PDE10A: variants seen among roughly 807,000 people sequenced by gnomAD.
The protein encoded by PDE10A is phosphodiesterase 10A.
PDE10A carries 39 observed loss-of-function variants against 97.7 expected under a neutral mutation model. That is an observed-to-expected ratio of 0.40 (90% CI 0.31 to 0.52). The LOEUF is 0.52. Ranked by LOEUF, PDE10A falls within the 20% of genes least tolerant of loss-of-function variation. The pLI, the probability that PDE10A is intolerant of heterozygous loss-of-function variation, is 0.56. For synonymous variants in PDE10A, 371 were observed against 376.8 expected, an observed-to-expected ratio of 0.98 and a Z score of 0.18; for missense variants, 731 against 1,047.8, an observed-to-expected ratio of 0.70 and a Z score of 4.17.
intron 1 of PDE10A, among the ~76,000 whole-genome samples, chr6:165,964,852 G>A (rs974312677): frequency 6.6e-6 from 1 of 152,182 alleles, no homozygotes; most frequent in African/African-American, 2.4e-5. Context: ...GAGACCCTGC[G>A]TGAGAAAATC....
At chr6:165,797,646 GGCAA>G (rs1381150980) in intron 1 of PDE10A, among the ~76,000 whole-genome samples, 4 of 152,056 alleles carry the variant, frequency 2.6e-5, no homozygotes, top group African/African-American at 9.7e-5. Flanking sequence ...TCTTTTTGAT[GGCAA>G]GCAAATTTTT....
At chr6:165,393,378 C>T (rs1785875001) in intron 15 of PDE10A, among the ~76,000 whole-genome samples, 1 of 151,264 alleles carries the variant, frequency 6.6e-6, no homozygotes, top group East Asian at 1.9e-4. Flanking sequence ...TATTTTATTA[C>T]ATATAGTTAT....
At chr6:165,436,240 T>C (rs1432391947) in intron 5 of PDE10A, among the ~76,000 whole-genome samples, 1 of 152,190 alleles carries the variant, frequency 6.6e-6, no homozygotes, top group African/African-American at 2.4e-5. Context: ...GAAGACTACT[T>C]GAAGCAATAA....
chr6:165,800,933 G>T (rs2128465462), intron 1 of PDE10A, among the ~76,000 whole-genome samples: 1 of 152,306 alleles, frequency 6.6e-6, no homozygotes, highest in East Asian at 1.9e-4. Context: ...TCTCGAAACA[G>T]AGCTTGGACT....
chr6:165,608,585 T>C (rs1257721615), intron 1 of PDE10A, among the ~76,000 whole-genome samples: 1 of 152,124 alleles, frequency 6.6e-6, no homozygotes, highest in Non-Finnish European at 1.5e-5. Flanking sequence ...TGTGATTGTG[T>C]CTTTATAGCA....
chr6:165,957,050 GA>G (rs1367863103), intron 1 of PDE10A, among the ~76,000 whole-genome samples: 1 of 152,152 alleles, frequency 6.6e-6, no homozygotes, highest in African/African-American at 2.4e-5. Context: ...TGCAAAGCCA[GA>G]AAAATGACCT....
chr6:165,482,668 C>G (rs1345369677), intron 2 of PDE10A, among the ~76,000 whole-genome samples: 2 of 152,136 alleles, frequency 1.3e-5, no homozygotes, highest in African/African-American at 4.8e-5. Flanking sequence ...GTTTATAACA[C>G]TTCAATATTC....
intron 4 of PDE10A, 144 bp downstream of exon 4, chr6:165,450,098 T>A: frequency 1.7e-6 from 1 of 592,632 alleles, no homozygotes; most frequent in South Asian, 2.9e-5. Flanking sequence ...AGTTTCATAA[T>A]AAAATATTTT....
intron 2 of PDE10A, among the ~76,000 whole-genome samples, chr6:165,519,687 C>T (rs1782020036): frequency 6.6e-6 from 1 of 152,124 alleles, no homozygotes; most frequent in East Asian, 1.9e-4. Flanking sequence ...ACAAACTCAC[C>T]CCCTAGCTTT....
intron 1 of PDE10A, among the ~76,000 whole-genome samples, chr6:165,746,950 T>C (rs750736873): frequency 1.5e-4 from 23 of 152,210 alleles, no homozygotes; most frequent in Non-Finnish European, 3.2e-4. Flanking sequence ...CTTTCAAAAG[T>C]GCTTCTTAAA....
chr6:165,425,686 G>C (rs2128235179), intron 10 of PDE10A, among the ~76,000 whole-genome samples: 1 of 151,692 alleles, frequency 6.6e-6, no homozygotes, highest in African/African-American at 2.4e-5. Context: ...TTCTAGCCAG[G>C]GTAATCATGC....
At chr6:165,452,428 A>G (rs1016575846) in intron 3 of PDE10A, among the ~76,000 whole-genome samples, 8 of 152,204 alleles carry the variant, frequency 5.3e-5, no homozygotes, top group Admixed American at 3.9e-4. Context: ...GAGAGGTGGG[A>G]CCTTTAAAAG....
chr6:165,371,222 C>T (rs1044003445), intron 18 of PDE10A, among the ~76,000 whole-genome samples: 34 of 151,614 alleles, frequency 2.2e-4, no homozygotes, highest in African/African-American at 7.8e-4. Flanking sequence ...CAAGAAATAA[C>T]TAAAATCAGA....
chr6:165,740,385 C>T (rs952541341), intron 1 of PDE10A, among the ~76,000 whole-genome samples: 4 of 151,862 alleles, frequency 2.6e-5, no homozygotes, highest in Non-Finnish European at 4.4e-5. Context: ...GGCTGGAGTG[C>T]AGTGGTGTGA....
At chr6:165,864,773 A>C (rs1780994756) in intron 1 of PDE10A, among the ~76,000 whole-genome samples, 1 of 152,228 alleles carries the variant, frequency 6.6e-6, no homozygotes, top group Non-Finnish European at 1.5e-5. Context: ...AAATAGGGAA[A>C]TAGTTAAACG....
chr6:165,836,479 A>C (rs1583168485), intron 1 of PDE10A, among the ~76,000 whole-genome samples: 1 of 152,204 alleles, frequency 6.6e-6, no homozygotes, highest in East Asian at 1.9e-4. Context: ...CAGCTCTTCT[A>C]TTCCAAACAA....
At chr6:165,475,613 C>T (rs141645036) in intron 3 of PDE10A, among the ~76,000 whole-genome samples, 130 of 152,192 alleles carry the variant, frequency 8.5e-4, no homozygotes, top group African/African-American at 3.0e-3. Flanking sequence ...AAATATTCTG[C>T]GGGAAGTAAT....
At chr6:165,796,091 C>CTTTTTTTTTTT (rs1168771487) in intron 1 of PDE10A, among the ~76,000 whole-genome samples, 2 of 108,812 alleles carry the variant, frequency 1.8e-5, no homozygotes, top group Non-Finnish European at 3.6e-5. Context: ...TTTTTCTTTT[C>CTTTTTTTTTTT]TTTTTTTTTT....
chr6:165,592,543 A>G (rs147783884), intron 1 of PDE10A, among the ~76,000 whole-genome samples: 2,047 of 152,328 alleles, frequency 0.013, 54 homozygotes, highest in African/African-American at 0.046. Flanking sequence ...AAGTTTTGCA[A>G]TCTGTCCATC....
Sources: gnomAD v4.1 joint callset for allele counts (sites outside exome capture counted in the v4.1 genomes callset) on GRCh38, gnomAD v4.1.1 for gene constraint, MANE v1.5 for transcripts, NCBI Gene and HGNC (gene_info 2026-07-23, HGNC 2026-07-21) for gene names.